Variants in SYN3 observed in about 807,000 individuals in gnomAD.
SYN3 encodes synapsin III, also known as synapsin-3.
SYN3 carries 35 observed loss-of-function variants against 65.8 expected under a neutral mutation model. The observed-to-expected ratio is 0.53, with a 90% CI of 0.41 to 0.70. The LOEUF is 0.70. Among genes scored for constraint, SYN3 ranks in the 30% least tolerant of loss-of-function variants. The probability of loss-of-function intolerance (pLI) is 0.00; values close to 1 mark genes in which losing one functional copy is unlikely to be tolerated. For missense variants in SYN3, 680 were observed against 749.0 expected, an observed-to-expected ratio of 0.91 and a Z score of 1.08; for synonymous variants, 270 against 292.9, an observed-to-expected ratio of 0.92 and a Z score of 0.80.
At chr22:32,997,241 A>G (rs1479495883) in intron 2 of SYN3, among the ~76,000 whole-genome samples, 2 of 152,188 alleles carry the variant, frequency 1.3e-5, no homozygotes, top group Non-Finnish European at 2.9e-5. Context: ...GGAGAGCTAA[A>G]TTAGAGAATC....
intron 6 of SYN3, among the ~76,000 whole-genome samples, chr22:32,791,575 C>T (rs1379967016): frequency 1.3e-5 from 2 of 151,476 alleles, no homozygotes; most frequent in Non-Finnish European, 2.9e-5. Context: ...CCTTTGCATC[C>T]CTTCTTATTT....
At position 32,824,653 on chromosome 22, in the gene SYN3, T is replaced by C. The variant is rs143613700; in HGVS notation, c.711+40262A>G. Among the ~76,000 whole-genome samples the C allele has an allele frequency of 3.2e-3, 483 of 152,298 alleles. 7 individuals are homozygous for C. Among genetic ancestry groups the C allele is most frequent in the African/African-American group, 0.011 (468 of 41,552 alleles). ...ATGATATAAATTCTCTGTATACAAA[T>C]AAAAGGAAGTTACTTGTATTCGTTG... On this transcript the variant is annotated intron_variant, in intron 6 of 13. Coordinates refer to ENST00000358763, the MANE Select transcript of SYN3 (RefSeq NM_003490.4).
intron 6 of SYN3, chr22:32,629,781 C>G (rs2059720810): frequency 6.6e-6 from 1 of 152,030 alleles, no homozygotes; most frequent in Non-Finnish European, 1.5e-5. Context: ...CTGGGAGAGG[C>G]CACATAGTGG....
intron 6 of SYN3, among the ~76,000 whole-genome samples, chr22:32,807,971 G>T (rs2046811412): frequency 6.6e-6 from 1 of 152,074 alleles, no homozygotes; most frequent in East Asian, 1.9e-4. Context: ...GACTTACTGA[G>T]TGTTTTTTTT....
At chr22:32,516,350 T>TTGATTGATTG (rs1568993991) in intron 13 of SYN3, among the ~76,000 whole-genome samples, 6 of 135,308 alleles carry the variant, frequency 4.4e-5, no homozygotes, top group African/African-American at 2.1e-4. Context: ...ATCTTTGATT[T>TTGATTGATTG]ATTTATTTAT....
chr22:33,044,113 A>C (rs1018603278), intron 1 of SYN3, among the ~76,000 whole-genome samples: 13 of 151,988 alleles, frequency 8.6e-5, no homozygotes, highest in Non-Finnish European at 1.2e-4. Flanking sequence ...ACAACCTAGC[A>C]GTTAGGCCAC....
At chr22:32,967,382 T>C (rs562738438) in intron 3 of SYN3, among the ~76,000 whole-genome samples, 1 of 152,316 alleles carries the variant, frequency 6.6e-6, no homozygotes, top group East Asian at 1.9e-4. Context: ...GTAGGGCACA[T>C]AAACTCGTTC....
intron 7 of SYN3, among the ~76,000 whole-genome samples, chr22:32,552,467 T>C (rs934400777): frequency 1.3e-5 from 2 of 150,992 alleles, no homozygotes; most frequent in African/African-American, 4.9e-5. Context: ...TAAAGGTACA[T>C]GGGGTTCCAG....
In SYN3 at chr22:32,919,950, C is replaced by T. The variant is rs190150710; in HGVS notation, c.461+11440G>A. 4.4e-3 allele frequency among the ~76,000 whole-genome samples: 665 copies of T among 152,302 alleles called. 2 individuals are homozygous for T. The highest frequency in any genetic ancestry group is 0.015 in the African/African-American group (635 of 41,564). ...AAGATTTTATAGACCATCCCCTCCT[C>T]TGGGACAAGCCCATGCATCTCCCTC... On this transcript the variant is annotated intron_variant, in intron 4 of 13. Coordinates refer to ENST00000358763, the MANE Select transcript of SYN3 (RefSeq NM_003490.4).
chr22:32,820,249 TGTGTGTGTGTGTGCGTGCGC>T, intron 6 of SYN3, among the ~76,000 whole-genome samples: 1 of 150,102 alleles, frequency 6.7e-6, no homozygotes. Context: ...CCCCTGTGTG[TGTGTGTGTGTGTGCGTGCGC>T]GTGTGTGTGT....
intron 6 of SYN3, among the ~76,000 whole-genome samples, chr22:32,729,530 C>A (rs541686711): frequency 1.5e-4 from 23 of 152,188 alleles, no homozygotes; most frequent in Non-Finnish European, 3.1e-4. Context: ...CCCGCTACCA[C>A]GCATTTAGAA....
intron 3 of SYN3, among the ~76,000 whole-genome samples, chr22:32,940,889 G>A (rs573321977): frequency 5.9e-5 from 9 of 152,192 alleles, no homozygotes; most frequent in Middle Eastern, 6.8e-3. Context: ...CTACTGATCA[G>A]AAAAAAAGTT....
chr22:32,718,880 C>T (rs1367180040), intron 6 of SYN3, among the ~76,000 whole-genome samples: 1 of 152,228 alleles, frequency 6.6e-6, no homozygotes, highest in African/African-American at 2.4e-5. Flanking sequence ...TTATACTCTC[C>T]TGTCCCATTT....
At position 33,033,948 on chromosome 22, in the gene SYN3, G is replaced by T. The variant is rs1248145764; in HGVS notation, c.-163+24344C>A. ...GCCTATAATCCCAGCACTTTGGGAGGCTGAGGCGGGTGGATCACCTGAGGT... is the reference window on the plus strand; with the variant it reads ...GCCTATAATCCCAGCACTTTGGGAGTCTGAGGCGGGTGGATCACCTGAGGT... On this transcript the variant is annotated intron_variant, in intron 1 of 13. Transcript: ENST00000358763. Among the ~76,000 whole-genome samples the T allele has an allele frequency of 2.0e-5, 3 of 152,202 alleles. No homozygotes were observed. The East Asian group carries it at 5.9e-4, about 30-fold the overall frequency.
At chr22:32,895,232 T>C (rs1189026535) in intron 4 of SYN3, among the ~76,000 whole-genome samples, 1 of 152,202 alleles carries the variant, frequency 6.6e-6, no homozygotes, top group Admixed American at 6.5e-5. Context: ...AGCAGGTGTG[T>C]TGAAAACTAG....
intron 6 of SYN3, among the ~76,000 whole-genome samples, chr22:32,756,265 A>G (rs2045289757): frequency 6.6e-6 from 1 of 152,160 alleles, no homozygotes; most frequent in South Asian, 2.1e-4. Context: ...AACATAAAGC[A>G]AAAATCAAAC....
chr22:33,010,878 A>G (rs1408511706), intron 1 of SYN3, among the ~76,000 whole-genome samples: 2 of 152,196 alleles, frequency 1.3e-5, no homozygotes, highest in Non-Finnish European at 2.9e-5. Flanking sequence ...TGTTTTTAAA[A>G]TGACACTGTT....
At chr22:32,980,499 A>G (rs774179044) in intron 3 of SYN3, 146 bp downstream of exon 3, 2 of 723,444 alleles carry the variant, frequency 2.8e-6, no homozygotes, top group East Asian at 2.5e-5. Flanking sequence ...CTGAAATTTA[A>G]TGAGACTCCC....
At chr22:32,612,333 G>A (rs1601757513) in intron 6 of SYN3, among the ~76,000 whole-genome samples, 1 of 152,330 alleles carries the variant, frequency 6.6e-6, no homozygotes, top group East Asian at 1.9e-4. Context: ...GGCTTCTGAA[G>A]TGGGGGACAG....
Sources: allele counts gnomAD v4.1 joint callset (sites outside exome capture counted in the v4.1 genomes callset), GRCh38; gene constraint gnomAD v4.1.1; transcripts MANE v1.5; gene names NCBI Gene and HGNC (gene_info 2026-07-23, HGNC 2026-07-21).